USP34: variants seen among roughly 807,000 people sequenced by gnomAD.
USP34 encodes ubiquitin specific peptidase 34, also known as ubiquitin carboxyl-terminal hydrolase 34.
In USP34, 70 loss-of-function variants were observed where a neutral mutation model predicts 460.3. The ratio of observed to expected loss-of-function variants is 0.15; its 90% CI spans 0.13 to 0.19. The LOEUF (loss-of-function observed/expected upper bound fraction) is 0.19. Ranked by LOEUF, USP34 falls within the 10% of genes least tolerant of loss-of-function variation. USP34 has a pLI of 1.00. For missense variants in USP34, 3,985 were observed against 4,236.2 expected (o/e 0.94, Z 1.65); for synonymous variants, 1,647 against 1,405.3 (o/e 1.17, Z -3.85).
At chr2:61,303,867 T>C (rs547239470) in intron 27 of USP34, among the ~76,000 whole-genome samples, 1 of 151,904 alleles carries the variant, frequency 6.6e-6, no homozygotes, top group Non-Finnish European at 1.5e-5. Context: ...AGTGCTGGGA[T>C]TACAGTGTGA....
chr2:61,398,173 C>T (rs929527832), intron 3 of USP34, among the ~76,000 whole-genome samples: 1 of 152,032 alleles, frequency 6.6e-6, no homozygotes, highest in African/African-American at 2.4e-5. Context: ...AGACTAGCCT[C>T]GTACTCACGG....
At chr2:61,444,761 T>C (rs1018338105) in intron 1 of USP34, among the ~76,000 whole-genome samples, 1 of 152,010 alleles carries the variant, frequency 6.6e-6, no homozygotes, top group East Asian at 1.9e-4. Flanking sequence ...AAATCAGACA[T>C]TGCCTCCTCC....
intron 43 of USP34, among the ~76,000 whole-genome samples, chr2:61,262,156 T>C (rs1688908766): frequency 7.2e-6 from 1 of 138,230 alleles, no homozygotes; most frequent in African/African-American, 2.7e-5. Context: ...GATAGATAGA[T>C]ATAGAAATAT....
intron 2 of USP34, among the ~76,000 whole-genome samples, chr2:61,406,691 A>G (rs1040658748): frequency 1.0e-4 from 14 of 139,242 alleles, no homozygotes; most frequent in African/African-American, 3.0e-4. Context: ...AAAAAAAAAT[A>G]TATGTGTATT....
chr2:61,346,690 TG>T (rs1691779126), intron 15 of USP34, among the ~76,000 whole-genome samples: 1 of 87,792 alleles, frequency 1.1e-5, no homozygotes, highest in Non-Finnish European at 2.2e-5. Context: ...CAGGCATGGG[TG>T]GGGGGTGGGG....
intron 19 of USP34, among the ~76,000 whole-genome samples, chr2:61,332,763 C>T (rs1034585617): frequency 3.3e-5 from 5 of 151,928 alleles, no homozygotes; most frequent in Non-Finnish European, 7.4e-5. Context: ...CTTGCAAAAA[C>T]AGAACCTTCA....
intron 43 of USP34, 82 bp from the exon 44 acceptor site, chr2:61,259,858 T>G: frequency 8.0e-7 from 1 of 1,246,096 alleles, no homozygotes; most frequent in Non-Finnish European, 1.1e-6. Context: ...AGTCTTGCAA[T>G]GTACACTGTA....
intron 34 of USP34, among the ~76,000 whole-genome samples, chr2:61,286,626 G>A (rs758849658): frequency 1.3e-5 from 2 of 152,060 alleles, no homozygotes; most frequent in African/African-American, 4.8e-5. Context: ...GTGCACTTCA[G>A]CTTGGGCAAC....
At chr2:61,368,493 G>C (rs935288413) in intron 10 of USP34, among the ~76,000 whole-genome samples, 1 of 151,832 alleles carries the variant, frequency 6.6e-6, no homozygotes, top group East Asian at 1.9e-4. Context: ...CAGATAGCTG[G>C]CCCACAGACT....
chr2:61,351,325 C>G (rs1184197613), intron 10 of USP34, among the ~76,000 whole-genome samples: 1 of 151,930 alleles, frequency 6.6e-6, no homozygotes, highest in African/African-American at 2.4e-5. Context: ...CTGGAGTACA[C>G]AACAGAAACC....
At chr2:61,372,894 C>T (rs538989047) in intron 8 of USP34, among the ~76,000 whole-genome samples, 2 of 151,894 alleles carry the variant, frequency 1.3e-5, no homozygotes, top group South Asian at 4.2e-4. Context: ...GAAACACATT[C>T]ATCTACACAA....
chr2:61,272,516 T>C (rs1689247297), intron 41 of USP34, among the ~76,000 whole-genome samples: 1 of 152,020 alleles, frequency 6.6e-6, no homozygotes, highest in Non-Finnish European at 1.5e-5. Flanking sequence ...TCAATAAATA[T>C]TCCACGTCAA....
intron 10 of USP34, among the ~76,000 whole-genome samples, chr2:61,355,083 ACCAGCATGAAAC>A (rs1192044386): frequency 2.0e-5 from 3 of 152,236 alleles, no homozygotes; most frequent in Non-Finnish European, 4.4e-5. Context: ...GTTCTCAGTG[ACCAGCATGAAAC>A]CCAGCACGAA....
intron 29 of USP34, among the ~76,000 whole-genome samples, chr2:61,299,444 T>C (rs369489762): frequency 1.3e-5 from 2 of 152,250 alleles, no homozygotes; most frequent in African/African-American, 4.8e-5. Flanking sequence ...ATATCACACA[T>C]ACTCTTGCCT....
intron 1 of USP34, among the ~76,000 whole-genome samples, chr2:61,451,644 T>G (rs1695279842): frequency 6.6e-6 from 1 of 150,588 alleles, no homozygotes; most frequent in South Asian, 2.1e-4. Context: ...ATCATGCCAT[T>G]GCACTCCAAC....
At chr2:61,191,280 A>C (rs1399479369) in intron 76 of USP34, 4 of 152,336 alleles carry the variant, frequency 2.6e-5, no homozygotes, top group Non-Finnish European at 5.9e-5. Flanking sequence ...CATGGCTCTT[A>C]AACACAAGTA....
chr2:61,392,478 G>C (rs1412450698), intron 5 of USP34, among the ~76,000 whole-genome samples: 1 of 152,070 alleles, frequency 6.6e-6, no homozygotes, highest in Non-Finnish European at 1.5e-5. Context: ...ACAAAAATTA[G>C]CTGGGTGTGG....
At chr2:61,392,482 G>A (rs1001225791) in intron 5 of USP34, among the ~76,000 whole-genome samples, 3 of 152,058 alleles carry the variant, frequency 2.0e-5, no homozygotes, top group African/African-American at 7.2e-5. Context: ...AAATTAGCTG[G>A]GTGTGGTAGC....
At chr2:61,419,688 A>G (rs1009484660) in intron 2 of USP34, among the ~76,000 whole-genome samples, 3 of 151,036 alleles carry the variant, frequency 2.0e-5, no homozygotes, top group African/African-American at 7.3e-5. Flanking sequence ...CTAGTATAAC[A>G]TGTTGCCACC....
Sources: allele counts gnomAD v4.1 joint callset (sites outside exome capture counted in the v4.1 genomes callset), GRCh38; gene constraint gnomAD v4.1.1; transcripts MANE v1.5; gene names NCBI Gene and HGNC (gene_info 2026-07-23, HGNC 2026-07-21).